Variants in FHOD3 observed in about 807,000 individuals in gnomAD.
FHOD3 encodes the protein FH1/FH2 domain-containing protein 3.
A neutral mutation model predicts 173.0 loss-of-function variants in FHOD3; 90 were observed. The observed-to-expected ratio is 0.52, with a 90% CI of 0.44 to 0.62. FHOD3 has a LOEUF of 0.62. Among genes scored for constraint, FHOD3 ranks in the 20% least tolerant of loss-of-function variants. The pLI is 0.00. For missense variants in FHOD3, 1,945 were observed against 2,034.7 expected (o/e 0.96, Z 0.85); for synonymous variants, 828 against 823.0 (o/e 1.01, Z -0.10).
intron 5 of FHOD3, among the ~76,000 whole-genome samples, chr18:36,546,311 C>A (rs964229650): frequency 6.6e-6 from 1 of 152,162 alleles, no homozygotes; most frequent in African/African-American, 2.4e-5. Flanking sequence ...TATTCCACAT[C>A]TGTGTTTTGA....
intron 26 of FHOD3, among the ~76,000 whole-genome samples, chr18:36,760,150 A>G (rs1336272984): frequency 6.6e-6 from 1 of 152,188 alleles, no homozygotes; most frequent in East Asian, 1.9e-4. Flanking sequence ...TTGTAATTCT[A>G]CCATCGTAAG....
At chr18:36,446,335 G>A (rs2051470819) in intron 3 of FHOD3, among the ~76,000 whole-genome samples, 1 of 152,076 alleles carries the variant, frequency 6.6e-6, no homozygotes, top group Admixed American at 6.5e-5. Context: ...AGCCAGCCAC[G>A]GAGTCAGGCT....
At chr18:36,377,249 T>G (rs2146196007) in intron 3 of FHOD3, among the ~76,000 whole-genome samples, 1 of 152,318 alleles carries the variant, frequency 6.6e-6, no homozygotes, top group South Asian at 2.1e-4. Flanking sequence ...TGAGCATGAC[T>G]TCTCTCCCAC....
At chr18:36,612,135 G>A in intron 9 of FHOD3, 40 bp downstream of exon 9, 1 of 1,594,366 alleles carries the variant, frequency 6.3e-7, no homozygotes, top group Non-Finnish European at 8.5e-7. Flanking sequence ...GTACAGCTTT[G>A]GCAATTGTCA....
chr18:36,517,646 A>T (rs1040176516), intron 5 of FHOD3, among the ~76,000 whole-genome samples: 5 of 152,218 alleles, frequency 3.3e-5, no homozygotes, highest in Admixed American at 2.6e-4. Flanking sequence ...TAATCATAAA[A>T]CGCCTCAGTC....
At chr18:36,335,524 C>T (rs2045264253) in intron 1 of FHOD3, among the ~76,000 whole-genome samples, 1 of 151,742 alleles carries the variant, frequency 6.6e-6, no homozygotes, top group Admixed American at 6.6e-5. Flanking sequence ...AAAAAAATCT[C>T]ATAATGTTTT....
In FHOD3 at chr18:36,371,553, A is replaced by G. The variant is rs149216963; in HGVS notation, c.273-1127A>G. 5.6e-3 allele frequency among the ~76,000 whole-genome samples: 859 copies of G among 152,336 alleles called. 7 individuals carry two copies. The highest frequency in any genetic ancestry group is 0.02 in the African/African-American group (814 of 41,580). ...ACTTTTGGGGATTATGGGAGCTACA[A>G]TTCAAGATGATATTTGGGTGGAGAC... On this transcript the variant is annotated intron_variant, in intron 2 of 28. Transcript: ENST00000590592.
At chr18:36,335,223 C>T (rs984060872) in intron 1 of FHOD3, among the ~76,000 whole-genome samples, 8 of 152,216 alleles carry the variant, frequency 5.3e-5, no homozygotes, top group East Asian at 1.9e-4. Flanking sequence ...TGGCCGGGCG[C>T]GGTGGCTCAC....
intron 9 of FHOD3, among the ~76,000 whole-genome samples, chr18:36,618,853 C>T (rs1282973485): frequency 1.3e-5 from 2 of 152,120 alleles, no homozygotes; most frequent in African/African-American, 4.8e-5. Context: ...CGCCTTGTTG[C>T]TTTGTGTCCA....
intron 3 of FHOD3, among the ~76,000 whole-genome samples, chr18:36,437,035 A>G (rs2050843088): frequency 6.6e-6 from 1 of 152,232 alleles, no homozygotes; most frequent in South Asian, 2.1e-4. Flanking sequence ...GCAAAAGGTA[A>G]GCTAAGTTGT....
At chr18:36,572,182 G>A (rs1362274362) in intron 5 of FHOD3, among the ~76,000 whole-genome samples, 1 of 152,180 alleles carries the variant, frequency 6.6e-6, no homozygotes, top group Non-Finnish European at 1.5e-5. Context: ...TTCCATGAGT[G>A]GCAGAACAGG....
At chr18:36,599,641 C>G (rs1242919675) in intron 7 of FHOD3, among the ~76,000 whole-genome samples, 1 of 152,192 alleles carries the variant, frequency 6.6e-6, no homozygotes. Flanking sequence ...TATTTTCCTT[C>G]AGATTTAATG....
At chr18:36,602,605 A>T in intron 7 of FHOD3, 69 bp from the exon 8 acceptor site, 1 of 1,153,246 alleles carries the variant, frequency 8.7e-7, no homozygotes, top group South Asian at 1.2e-5. Context: ...TGGATAATAA[A>T]CTGTGATGTG....
At chr18:36,354,011 G>A (rs932305240) in intron 1 of FHOD3, among the ~76,000 whole-genome samples, 3 of 152,198 alleles carry the variant, frequency 2.0e-5, no homozygotes, top group Admixed American at 6.5e-5. Flanking sequence ...GGCCAAGCCT[G>A]TTGGGGGCCT....
chr18:36,561,583 G>A (rs12956471), intron 5 of FHOD3, among the ~76,000 whole-genome samples: 18,836 of 152,144 alleles, frequency 0.12, 1,456 homozygotes, highest in East Asian at 0.4. Flanking sequence ...ATAAAAACAC[G>A]TTAACCATTT....
intron 19 of FHOD3, among the ~76,000 whole-genome samples, chr18:36,726,524 AC>A (rs2041079547): frequency 6.6e-6 from 1 of 151,922 alleles, no homozygotes; most frequent in African/African-American, 2.4e-5. Context: ...ACATTTTCTA[AC>A]CTTCACAAGG....
At chr18:36,468,271 C>T (rs569196809) in intron 3 of FHOD3, among the ~76,000 whole-genome samples, 1 of 152,280 alleles carries the variant, frequency 6.6e-6, no homozygotes, top group African/African-American at 2.4e-5. Context: ...GCTACCTCTC[C>T]CCTCGCCTGG....
chr18:36,713,342 C>T (rs1048160231), intron 18 of FHOD3, among the ~76,000 whole-genome samples: 6 of 152,118 alleles, frequency 3.9e-5, no homozygotes, highest in Non-Finnish European at 7.4e-5. Context: ...GGGAAGCTAA[C>T]GGTATCAAAA....
intron 3 of FHOD3, among the ~76,000 whole-genome samples, chr18:36,420,996 G>A (rs2049955760): frequency 6.6e-6 from 1 of 152,150 alleles, no homozygotes; most frequent in African/African-American, 2.4e-5. Context: ...AAGACAAATG[G>A]TGAGGTTAAA....
Sources: allele counts gnomAD v4.1 joint callset (sites outside exome capture counted in the v4.1 genomes callset), GRCh38; gene constraint gnomAD v4.1.1; transcripts MANE v1.5; gene names NCBI Gene and HGNC (gene_info 2026-07-23, HGNC 2026-07-21).